The following PCDHA8 variants were observed in gnomAD, a reference collection of about 807,000 sequenced individuals.
The protein encoded by PCDHA8 is protocadherin alpha 8, also known as protocadherin alpha-8.
A neutral mutation model predicts 61.8 loss-of-function variants in PCDHA8; 53 were observed. That is an observed-to-expected ratio of 0.86 (90% CI 0.69 to 1.08). The LOEUF (loss-of-function observed/expected upper bound fraction) is 1.08, where lower values mean the gene tolerates loss of function less well. Among genes scored for constraint, PCDHA8 ranks in the 50% least tolerant of loss-of-function variants. PCDHA8 has a pLI of 0.00. For missense variants in PCDHA8, 1,293 were observed against 1,245.0 expected (o/e 1.04, Z -0.58); for synonymous variants, 618 against 556.6 (o/e 1.11, Z -1.55).
At chr5:140,940,390 T>C (rs2092601477) in intron 1 of PCDHA8, among the ~76,000 whole-genome samples, 1 of 152,194 alleles carries the variant, frequency 6.6e-6, no homozygotes. Flanking sequence ...ATTTTGGTTA[T>C]TGTGTTTTTC....
rs1476746131 is a variant in PCDHA8, at chr5:140,870,515, G to A, written c.2394+26800G>A. 8.7e-6 allele frequency: 14 copies of A among 1,614,236 alleles called. No homozygotes were observed. Among genetic ancestry groups the A allele is most frequent in the Non-Finnish European group, 1.1e-5 (13 of 1,180,048 alleles). On this transcript the variant is annotated intron_variant, in intron 1 of 3. Transcript: ENST00000531613. The stretch of plus-strand genomic sequence containing the variant: ...GTGAAGGAGAACAACCCACCAGGCT[G>A]CCACATCTTCACAGTGTCGGCGCGG...
intron 1 of PCDHA8, among the ~76,000 whole-genome samples, chr5:140,944,406 C>G (rs1003379783): frequency 6.6e-6 from 1 of 152,084 alleles, no homozygotes; most frequent in African/African-American, 2.4e-5. Flanking sequence ...AGGCTGGTCT[C>G]GAACTCCTGA....
intron 3 of PCDHA8, among the ~76,000 whole-genome samples, chr5:140,988,499 C>CTT (rs2097300398): frequency 6.6e-6 from 1 of 152,138 alleles, no homozygotes; most frequent in Non-Finnish European, 1.5e-5. Context: ...CTAGGAGAAG[C>CTT]CATGAAGCTT....
Position 140,850,654 on chromosome 5 carries a change from T to C in PCDHA8, c.2394+6939T>C, listed in dbSNP as rs2150492397. On this transcript the variant is annotated intron_variant, in intron 1 of 3. Coordinates refer to ENST00000531613, the MANE Select transcript of PCDHA8 (RefSeq NM_018911.3). ...GTTCTCACGCTGCTGCTGTACACTG[T>C]GCTGCGGTGCTCGGCGATGCCCACC... The C allele has an allele frequency of 1.6e-5, 25 of 1,598,638 alleles. 2 individuals are homozygous for C. The highest frequency in any genetic ancestry group is 2.1e-5 in the Non-Finnish European group (25 of 1,167,896).
intron 1 of PCDHA8, chr5:140,863,183 C>A: frequency 1.3e-6 from 1 of 766,218 alleles, no homozygotes; most frequent in Non-Finnish European, 2.2e-6. Context: ...GCCACCGTCA[C>A]CGTGGTGGCG....
intron 3 of PCDHA8, among the ~76,000 whole-genome samples, chr5:140,997,722 C>G (rs2097782886): frequency 6.6e-6 from 1 of 151,372 alleles, no homozygotes; most frequent in South Asian, 2.1e-4. Context: ...CTTTCTACGT[C>G]AGTACATATA....
chr5:140,873,225 A>G (rs1476513279), intron 1 of PCDHA8, among the ~76,000 whole-genome samples: 2 of 152,224 alleles, frequency 1.3e-5, no homozygotes, highest in African/African-American at 2.4e-5. Context: ...AGAGAAGGCA[A>G]CAATATAAAA....
chr5:140,857,745 C>T lies in PCDHA8; in HGVS notation c.2394+14030C>T. On this transcript the variant is annotated intron_variant, in intron 1 of 3. Coordinates refer to ENST00000531613, the MANE Select transcript of PCDHA8 (RefSeq NM_018911.3). Reference sequence around the variant, plus strand: ...AACGACAACGCTCCCGCGCTGCTGGCGTCTCCCGCTGGCAGCGCGGGCGGT... The same window carrying T: ...AACGACAACGCTCCCGCGCTGCTGGTGTCTCCCGCTGGCAGCGCGGGCGGT... 5.0e-6 allele frequency: 8 copies of T among 1,597,310 alleles called. 1 individual carries two copies. Among genetic ancestry groups the T allele is most frequent in the South Asian group, 1.1e-5 (1 of 90,480 alleles).
At chr5:140,870,880 G>T in intron 1 of PCDHA8, 1 of 1,613,948 alleles carries the variant, frequency 6.2e-7, no homozygotes. Context: ...GGTGGCGAAG[G>T]TGCGCGCAGT....
At chr5:140,937,228 G>A (rs920892612) in intron 1 of PCDHA8, among the ~76,000 whole-genome samples, 1 of 151,718 alleles carries the variant, frequency 6.6e-6, no homozygotes, top group Admixed American at 6.6e-5. Context: ...TTGTAGAGAC[G>A]GGGTTTCACC....
At chr5:140,894,658 G>A (rs962936177) in intron 1 of PCDHA8, among the ~76,000 whole-genome samples, 4 of 151,172 alleles carry the variant, frequency 2.6e-5, no homozygotes, top group Non-Finnish European at 5.9e-5. Flanking sequence ...CTCTAATTCT[G>A]ATTTGTGTAT....
intron 1 of PCDHA8, among the ~76,000 whole-genome samples, chr5:140,879,556 A>G (rs2058036538): frequency 6.6e-6 from 1 of 152,240 alleles, no homozygotes; most frequent in South Asian, 2.1e-4. Context: ...AAAATAATCC[A>G]TGAAAGAATA....
intron 1 of PCDHA8, chr5:140,858,541 C>T (rs1021379839): frequency 7.9e-6 from 11 of 1,395,984 alleles, no homozygotes; most frequent in Non-Finnish European, 1.1e-5. Context: ...TGTCTACATT[C>T]CATTTATGCT....
chr5:140,962,825 G>A (rs962485906), intron 1 of PCDHA8, among the ~76,000 whole-genome samples: 1 of 152,194 alleles, frequency 6.6e-6, no homozygotes, highest in Non-Finnish European at 1.5e-5. Flanking sequence ...ATGACCATTT[G>A]TCTCTTTTTT....
chr5:140,850,847 G>C (rs2150500244), intron 1 of PCDHA8: 5 of 1,596,668 alleles, frequency 3.1e-6, no homozygotes, highest in Non-Finnish European at 4.3e-6. Context: ...GATCTACAGA[G>C]CGAACGGGAG....
chr5:140,850,493 G>T, intron 1 of PCDHA8: 4 of 1,598,102 alleles, frequency 2.5e-6, no homozygotes, highest in African/African-American at 1.3e-5. Flanking sequence ...CCACTGTGCT[G>T]GTGTCGCTGG....
chr5:140,997,859 T>C (rs2097788506), intron 3 of PCDHA8, among the ~76,000 whole-genome samples: 1 of 152,216 alleles, frequency 6.6e-6, no homozygotes, highest in Non-Finnish European at 1.5e-5. Context: ...TACATATTTC[T>C]TATGCATGCT....
chr5:140,935,405 A>G (rs1554210493), intron 1 of PCDHA8, among the ~76,000 whole-genome samples: 1 of 152,248 alleles, frequency 6.6e-6, no homozygotes, highest in Non-Finnish European at 1.5e-5. Context: ...GGACTCAAAC[A>G]ATGGACTTAG....
chr5:140,841,825 A>C lies in PCDHA8; in HGVS notation c.504A>C (p.Leu168Phe). Residue 168 changes from leucine (L) to phenylalanine (F), a missense_variant, in exon 1 of 4, where the codon TTA (leucine) becomes TTC (phenylalanine). By Grantham distance (22) the Leu-to-Phe change is conservative. Transcript: ENST00000531613. ...SDADVGANSV[L>F]TYRLSSHDYF... is the part of the protein sequence containing the mutation. ...CAGATGTTGGAGCTAACTCCGTGTT[A>C]ACCTACAGGCTTAGCTCTCATGATT... 1 of 1,613,926 alleles carries C rather than the reference A, an allele frequency of 6.2e-7. No homozygotes were observed. The highest frequency in any genetic ancestry group is 8.5e-7 in the Non-Finnish European group (1 of 1,179,866).
Sources: gnomAD v4.1 joint callset for allele counts (sites outside exome capture counted in the v4.1 genomes callset) on GRCh38, gnomAD v4.1.1 for gene constraint, MANE v1.5 for transcripts, NCBI Gene and HGNC (gene_info 2026-07-23, HGNC 2026-07-21) for gene names.